The following MAP3K5 variants were observed in gnomAD, a reference collection of about 807,000 sequenced individuals.
MAP3K5 encodes the protein mitogen-activated protein kinase kinase kinase 5.
Under a neutral mutation model 158.7 loss-of-function variants are expected in MAP3K5, and 56 were observed. The ratio of observed to expected loss-of-function variants is 0.35; its 90% CI spans 0.28 to 0.44. MAP3K5 has a LOEUF of 0.44. MAP3K5 is among the 20% of genes least tolerant of loss of function. The pLI is 1.00. For missense variants in MAP3K5, 1,294 were observed against 1,674.8 expected (o/e 0.77, Z 3.97); for synonymous variants, 579 against 601.7 (o/e 0.96, Z 0.55).
At chr6:136,641,510 A>AT (rs1562570818) in intron 12 of MAP3K5, among the ~76,000 whole-genome samples, 14 of 151,754 alleles carry the variant, frequency 9.2e-5, no homozygotes, top group Admixed American at 2.6e-4. Flanking sequence ...TTCTTAAAAA[A>AT]ATATATATAT....
chr6:136,768,853 C>T (rs576887878), intron 1 of MAP3K5, among the ~76,000 whole-genome samples: 2 of 151,450 alleles, frequency 1.3e-5, no homozygotes, highest in African/African-American at 4.9e-5. Context: ...ACGGAGGTTG[C>T]AGTGAGCCAA....
intron 12 of MAP3K5, among the ~76,000 whole-genome samples, chr6:136,641,649 GTT>G (rs35443052): frequency 0.54 from 79,195 of 146,922 alleles, 21,891 homozygotes; most frequent in South Asian, 0.7. Context: ...CTTACAGAAG[GTT>G]TTTTTTTTTT....
At chr6:136,785,779 C>G (rs893256636) in intron 1 of MAP3K5, among the ~76,000 whole-genome samples, 1 of 152,152 alleles carries the variant, frequency 6.6e-6, no homozygotes, top group African/African-American at 2.4e-5. Flanking sequence ...GGCCAAGATG[C>G]TACTCAGAGG....
chr6:136,638,030 C>A (rs1394316345), intron 13 of MAP3K5, among the ~76,000 whole-genome samples: 1 of 152,068 alleles, frequency 6.6e-6, no homozygotes, highest in Non-Finnish European at 1.5e-5. Context: ...GGAATTTGGA[C>A]CCCATTGATG....
chr6:136,659,782 G>A (rs1778924952), intron 8 of MAP3K5, among the ~76,000 whole-genome samples: 1 of 152,164 alleles, frequency 6.6e-6, no homozygotes. Flanking sequence ...AAAAAAGTTC[G>A]GGAGGTGAAT....
At chr6:136,748,117 C>A (rs554814675) in intron 1 of MAP3K5, among the ~76,000 whole-genome samples, 63 of 152,294 alleles carry the variant, frequency 4.1e-4, no homozygotes, top group African/African-American at 1.5e-3. Context: ...ATCTGTAGAG[C>A]TGTGAATGTG....
At chr6:136,743,610 G>A (rs1306185176) in intron 1 of MAP3K5, among the ~76,000 whole-genome samples, 1 of 152,176 alleles carries the variant, frequency 6.6e-6, no homozygotes, top group Non-Finnish European at 1.5e-5. Flanking sequence ...CAGCCACTTT[G>A]CAAGACAGTC....
chr6:136,569,956 G>A (rs534418474), intron 25 of MAP3K5, among the ~76,000 whole-genome samples: 23 of 152,152 alleles, frequency 1.5e-4, no homozygotes, highest in East Asian at 3.9e-4. Context: ...AACATTTATC[G>A]GATCATGGAA....
chr6:136,792,549 C>CCGCGCCGCGCCGCGCCG (rs1785133688), upstream of MAP3K5: 1 of 170,538 alleles, frequency 5.9e-6, no homozygotes, highest in African/African-American at 2.4e-5. The surrounding 1 kb of genome is among the most constrained non-coding windows in gnomAD (Gnocchi z 5.7). Context: ...ACCCGCCGCG[C>CCGCGCCGCGCCGCGCCG]CGCGCCGCGC....
At chr6:136,641,515 A>G (rs1403098926) in intron 12 of MAP3K5, among the ~76,000 whole-genome samples, 2 of 151,958 alleles carry the variant, frequency 1.3e-5, no homozygotes, top group African/African-American at 4.8e-5. Context: ...AAAAAAATAT[A>G]TATATATTAT....
At chr6:136,699,637 CA>C (rs1268912191) in intron 3 of MAP3K5, among the ~76,000 whole-genome samples, 1 of 152,156 alleles carries the variant, frequency 6.6e-6, no homozygotes, top group Non-Finnish European at 1.5e-5. Flanking sequence ...CTGGTGCAAA[CA>C]AAAGCAGAGC....
At chr6:136,736,126 C>T (rs377416256) in intron 1 of MAP3K5, among the ~76,000 whole-genome samples, 281 of 152,152 alleles carry the variant, frequency 1.8e-3, no homozygotes, top group Non-Finnish European at 3.4e-3. Context: ...GGGTTTTCCT[C>T]TTGTAATTAT....
intron 1 of MAP3K5, among the ~76,000 whole-genome samples, chr6:136,759,374 C>T (rs1783637699): frequency 6.7e-6 from 1 of 149,084 alleles, no homozygotes; most frequent in African/African-American, 2.5e-5. Flanking sequence ...AACAAAAACC[C>T]ACATTGTAAC....
rs1778497306 is a variant in MAP3K5 at position 136,651,021 on chromosome 6, T to G, written c.1751A>C (p.Lys584Thr). 6.2e-7 allele frequency: 1 copy of G among 1,611,958 alleles called. No individual in the cohort carries two copies. Among genetic ancestry groups the G allele is most frequent in the Admixed American group, 1.7e-5 (1 of 59,890 alleles). Residue 584 changes from lysine (K) to threonine (T), a missense_variant, in exon 11 of 30, where the codon AAG becomes ACG. Coordinates refer to ENST00000359015, the MANE Select transcript of MAP3K5 (RefSeq NM_005923.4). The part of the protein sequence containing the change: ...YLSINNEVEE[K>T]TISIWHVLPD... ...AAGCACGTGCCAAATAGAGATTGTC[T>G]TTTCCTCAACTTCATTGTTGATAGA...
intron 11 of MAP3K5, among the ~76,000 whole-genome samples, chr6:136,643,427 ATTCAATTC>A (rs1377480302): frequency 6.6e-6 from 1 of 152,210 alleles, no homozygotes; most frequent in East Asian, 1.9e-4. Context: ...TGACACTGAC[ATTCAATTC>A]TGTAAAGTTA....
At chr6:136,700,967 T>C (rs1780830170) in intron 3 of MAP3K5, among the ~76,000 whole-genome samples, 2 of 152,276 alleles carry the variant, frequency 1.3e-5, no homozygotes, top group East Asian at 1.9e-4. Context: ...AGCACTTAAG[T>C]AATAAGTACA....
chr6:136,660,959 TC>T (rs1256067457), intron 8 of MAP3K5, among the ~76,000 whole-genome samples: 2 of 151,928 alleles, frequency 1.3e-5, no homozygotes, highest in Non-Finnish European at 2.9e-5. Flanking sequence ...TTTTTTTTTT[TC>T]CTTAATCAAA....
intron 21 of MAP3K5, among the ~76,000 whole-genome samples, chr6:136,600,013 C>T (rs1302372041): frequency 1.3e-5 from 2 of 152,040 alleles, no homozygotes; most frequent in Non-Finnish European, 2.9e-5. Context: ...AGGCTGTACC[C>T]AGGAAACCCC....
intron 1 of MAP3K5, among the ~76,000 whole-genome samples, chr6:136,727,999 C>T (rs1249257024): frequency 6.6e-6 from 1 of 151,690 alleles, no homozygotes; most frequent in East Asian, 1.9e-4. Flanking sequence ...GAAAGTTAGT[C>T]ATTTAAAAGT....
Sources: gnomAD v4.1 joint callset for allele counts (sites outside exome capture counted in the v4.1 genomes callset) on GRCh38, gnomAD v4.1.1 for gene constraint, Gnocchi (gnomAD v3.1) non-coding constraint, MANE v1.5 for transcripts, NCBI Gene and HGNC (gene_info 2026-07-23, HGNC 2026-07-21) for gene names.